Variants in FAM78B observed in about 807,000 individuals in gnomAD.
FAM78B encodes protein FAM78B.
In FAM78B, 10 loss-of-function variants were observed where a neutral mutation model predicts 20.0. The ratio of observed to expected loss-of-function variants is 0.50; its 90% CI spans 0.31 to 0.85. The LOEUF (loss-of-function observed/expected upper bound fraction) is 0.85. Among genes scored for constraint, FAM78B ranks in the 40% least tolerant of loss-of-function variants. The pLI is 0.05. For synonymous variants in FAM78B, 135 were observed against 132.8 expected (o/e 1.02, Z -0.12); for missense variants, 283 against 345.0 (o/e 0.82, Z 1.42).
At chr1:166,130,110 T>G (rs1654818120) in intron 1 of FAM78B, among the ~76,000 whole-genome samples, 1 of 152,220 alleles carries the variant, frequency 6.6e-6, no homozygotes, top group Non-Finnish European at 1.5e-5. Flanking sequence ...CATGCCTTTC[T>G]GGTCTTAGTC....
chr1:166,118,910 C>T (rs143944563), intron 1 of FAM78B, among the ~76,000 whole-genome samples: 69 of 152,248 alleles, frequency 4.5e-4, no homozygotes, highest in African/African-American at 1.6e-3. Context: ...CACCTCTTCA[C>T]GCCATTCCAT....
chr1:166,068,035 C>CA (rs1470123055), downstream of FAM78B, among the ~76,000 whole-genome samples: 3 of 152,122 alleles, frequency 2.0e-5, no homozygotes, highest in Admixed American at 2.0e-4. Flanking sequence ...GGGGAATTTG[C>CA]AAACATAAAT....
At chr1:166,092,581 T>C (rs977324812) in intron 1 of FAM78B, among the ~76,000 whole-genome samples, 11 of 152,218 alleles carry the variant, frequency 7.2e-5, no homozygotes, top group African/African-American at 2.7e-4. Context: ...GTCATGAAGG[T>C]TGCAGACTCT....
chr1:166,159,859 A>G (rs1020155030), intron 1 of FAM78B, among the ~76,000 whole-genome samples: 2 of 152,170 alleles, frequency 1.3e-5, no homozygotes, highest in Non-Finnish European at 2.9e-5. Context: ...CCCTGATAAG[A>G]CCAGTTAATC....
chr1:166,060,747 C>A, intron 2 of FAM78B: 1 of 815,096 alleles, frequency 1.2e-6, no homozygotes, highest in Non-Finnish European at 1.7e-6. Flanking sequence ...AGCAGATGGT[C>A]ATGATCTGGG....
At chr1:166,136,869 T>G (rs1222727984) in intron 1 of FAM78B, among the ~76,000 whole-genome samples, 1 of 152,220 alleles carries the variant, frequency 6.6e-6, no homozygotes, top group Non-Finnish European at 1.5e-5. Flanking sequence ...CTCAAGTTGC[T>G]GTGTGTTAGC....
At chr1:166,109,890 G>GTATATATGTGTATATATATATATATA (rs1557903394) in intron 1 of FAM78B, among the ~76,000 whole-genome samples, 2 of 23,198 alleles carry the variant, frequency 8.6e-5, no homozygotes, top group African/African-American at 1.8e-4. Flanking sequence ...ATGTATATAT[G>GTATATATGTGTATATATATATATATA]TATATATATA....
At chr1:166,116,790 T>C (rs1654272994) in intron 1 of FAM78B, among the ~76,000 whole-genome samples, 2 of 152,184 alleles carry the variant, frequency 1.3e-5, no homozygotes, top group Admixed American at 6.5e-5. Context: ...TGGGTTCAAG[T>C]GTTGGCTCTG....
chr1:166,086,829 C>A (rs746841874), intron 1 of FAM78B, among the ~76,000 whole-genome samples: 2 of 152,140 alleles, frequency 1.3e-5, no homozygotes, highest in Non-Finnish European at 2.9e-5. Flanking sequence ...TGGGGCCACA[C>A]TGTCCACACG....
At chr1:166,150,250 A>G (rs1322227428) in intron 1 of FAM78B, among the ~76,000 whole-genome samples, 1 of 152,136 alleles carries the variant, frequency 6.6e-6, no homozygotes, top group Non-Finnish European at 1.5e-5. Context: ...AAACCCTCCC[A>G]GTGCCTTGGC....
At chr1:166,118,501 CA>C (rs1654345110) in intron 1 of FAM78B, among the ~76,000 whole-genome samples, 1 of 152,102 alleles carries the variant, frequency 6.6e-6, no homozygotes, top group Non-Finnish European at 1.5e-5. Context: ...CCTTATGTGT[CA>C]TTTAATCCAG....
chr1:166,162,321 G>A (rs1457402237), intron 1 of FAM78B, among the ~76,000 whole-genome samples: 2 of 152,316 alleles, frequency 1.3e-5, no homozygotes, highest in East Asian at 3.9e-4. Context: ...GTCTCTTGAA[G>A]CTATGACTGA....
intron 1 of FAM78B, among the ~76,000 whole-genome samples, chr1:166,085,219 T>TAAAG (rs890861816): frequency 1.3e-5 from 2 of 152,168 alleles, no homozygotes; most frequent in African/African-American, 4.8e-5. Flanking sequence ...CTGTTACTTG[T>TAAAG]AAAGACACGA....
At chr1:166,133,180 T>G (rs1654938975) in intron 1 of FAM78B, among the ~76,000 whole-genome samples, 1 of 152,164 alleles carries the variant, frequency 6.6e-6, no homozygotes, top group Non-Finnish European at 1.5e-5. Context: ...CCCCAGTGTT[T>G]TTCTACTGGC....
chr1:166,091,348 A>C (rs1443699238), intron 1 of FAM78B, among the ~76,000 whole-genome samples: 1 of 152,120 alleles, frequency 6.6e-6, no homozygotes, highest in Non-Finnish European at 1.5e-5. Flanking sequence ...AGTGGGAGGT[A>C]ACTGAATCAT....
intron 1 of FAM78B, among the ~76,000 whole-genome samples, chr1:166,096,531 T>C (rs1198329680): frequency 2.0e-5 from 3 of 152,336 alleles, no homozygotes; most frequent in South Asian, 4.1e-4. Flanking sequence ...TGCTCCATAA[T>C]AGATCTCATT....
At chr1:166,060,333 G>GA in exon 3 of FAM78B, 1 of 321,048 alleles carries the variant, frequency 3.1e-6, no homozygotes, top group South Asian at 2.4e-5. Context: ...GAGGGTTGGG[G>GA]AAAGGACTTG....
chr1:166,112,069 C>G (rs1227614956), intron 1 of FAM78B, among the ~76,000 whole-genome samples: 1 of 152,236 alleles, frequency 6.6e-6, no homozygotes, highest in Non-Finnish European at 1.5e-5. Flanking sequence ...TCTCCAGAAG[C>G]AGCCTAGCCT....
intron 1 of FAM78B, among the ~76,000 whole-genome samples, chr1:166,137,674 G>C (rs1476971949): frequency 6.6e-6 from 1 of 152,166 alleles, no homozygotes; most frequent in African/African-American, 2.4e-5. Context: ...TAAAATATTA[G>C]AATTCCAGAA....
Sources: allele counts gnomAD v4.1 joint callset (sites outside exome capture counted in the v4.1 genomes callset), GRCh38; gene constraint gnomAD v4.1.1; transcripts MANE v1.5; gene names NCBI Gene and HGNC (gene_info 2026-07-23, HGNC 2026-07-21).